GRIN2A: variants seen among roughly 807,000 people sequenced by gnomAD.
GRIN2A encodes glutamate receptor ionotropic, NMDA 2A.
A neutral mutation model predicts 113.4 loss-of-function variants in GRIN2A; 22 were observed. The ratio of observed to expected loss-of-function variants is 0.19; its 90% CI spans 0.14 to 0.28. The LOEUF (loss-of-function observed/expected upper bound fraction) is 0.28, where lower values mean the gene tolerates loss of function less well. Ranked by LOEUF, GRIN2A falls within the 10% of genes least tolerant of loss-of-function variation. The pLI is 1.00. For missense variants in GRIN2A, 1,502 were observed against 1,887.0 expected (o/e 0.80, Z 3.78); for synonymous variants, 827 against 738.4 (o/e 1.12, Z -1.94).
chr16:10,167,510 C>T (rs2049949056), intron 2 of GRIN2A, among the ~76,000 whole-genome samples: 1 of 152,070 alleles, frequency 6.6e-6, no homozygotes, highest in African/African-American at 2.4e-5. Context: ...AGAGAAGATC[C>T]TTTCCATATG....
At chr16:9,939,401 T>C (rs1053190838) in intron 2 of GRIN2A, among the ~76,000 whole-genome samples, 1 of 152,138 alleles carries the variant, frequency 6.6e-6, no homozygotes, top group African/African-American at 2.4e-5. Flanking sequence ...TCCAAGCACA[T>C]AGGGCCTATT....
chr16:10,020,000 TG>T (rs890186427), intron 2 of GRIN2A, among the ~76,000 whole-genome samples: 3 of 152,194 alleles, frequency 2.0e-5, no homozygotes, highest in African/African-American at 7.2e-5. Flanking sequence ...TCGATGGTGG[TG>T]ATCATTTCAC....
At chr16:9,810,916 G>A (rs1166465469) in intron 10 of GRIN2A, among the ~76,000 whole-genome samples, 1 of 152,170 alleles carries the variant, frequency 6.6e-6, no homozygotes, top group African/African-American at 2.4e-5. Context: ...AGCTGTCTGG[G>A]GTTGGCCCCG....
chr16:9,926,725 C>A (rs1001870836), intron 3 of GRIN2A, among the ~76,000 whole-genome samples: 1 of 152,040 alleles, frequency 6.6e-6, no homozygotes, highest in African/African-American at 2.4e-5. Context: ...AATAAACCAA[C>A]CCAGGTGGGG....
intron 2 of GRIN2A, among the ~76,000 whole-genome samples, chr16:10,030,005 T>A (rs998079872): frequency 1.3e-4 from 19 of 151,630 alleles, no homozygotes; most frequent in Non-Finnish European, 5.9e-5. Flanking sequence ...TCCAAAAAAA[T>A]AAATAAATAA....
At chr16:9,978,490 C>T (rs923750034) in intron 2 of GRIN2A, among the ~76,000 whole-genome samples, 7 of 152,080 alleles carry the variant, frequency 4.6e-5, no homozygotes, top group African/African-American at 1.7e-4. Context: ...CCTCTTCCTC[C>T]TCTCATTCCT....
Position 9,755,899 on chromosome 16 carries a change from T to C in GRIN2A, c.*7250A>G, listed in dbSNP as rs1196481764. ...ACCAAGAAGGAAAACAACAACAACA[T>C]TTTAATAGCTGGTCCTCAATCATTC... On this transcript the variant is annotated 3_prime_UTR_variant, in exon 13 of 13. Coordinates refer to ENST00000330684, the MANE Select transcript of GRIN2A (RefSeq NM_001134407.3). The C allele has an allele frequency of 4.8e-6, 1 of 209,884 alleles. No individual in the cohort carries two copies. Among genetic ancestry groups the C allele is most frequent in the Non-Finnish European group, 9.7e-6 (1 of 103,210 alleles). The allele number at this position is 209,884 out of a possible 1,614,324, so 13.0% of individuals were successfully genotyped here. A position where few individuals can be genotyped will look rare whatever the true frequency, so the allele number is the denominator to read the frequency against.
At chr16:10,141,696 G>A (rs1345571448) in intron 2 of GRIN2A, among the ~76,000 whole-genome samples, 2 of 152,142 alleles carry the variant, frequency 1.3e-5, no homozygotes, top group Admixed American at 6.5e-5. Flanking sequence ...ATATATTTCT[G>A]TTGTAAAAAT....
chr16:10,066,520 A>T (rs2047652046), intron 2 of GRIN2A, among the ~76,000 whole-genome samples: 1 of 152,206 alleles, frequency 6.6e-6, no homozygotes, highest in African/African-American at 2.4e-5. Context: ...AACAGGGACA[A>T]AACTATGGGC....
intron 2 of GRIN2A, chr16:10,037,118 G>A (rs60429225): frequency 6.6e-6 from 1 of 152,124 alleles, no homozygotes; most frequent in Non-Finnish European, 1.5e-5. Flanking sequence ...ACTGGAATTT[G>A]GGCTACCAGA....
chr16:10,109,780 G>A (rs2048576249), intron 2 of GRIN2A, among the ~76,000 whole-genome samples: 1 of 152,010 alleles, frequency 6.6e-6, no homozygotes, highest in African/African-American at 2.4e-5. Flanking sequence ...TGCTCAAGGG[G>A]ATGGAGACCT....
chr16:9,826,258 C>T (rs544236401), intron 9 of GRIN2A, among the ~76,000 whole-genome samples: 34 of 152,320 alleles, frequency 2.2e-4, no homozygotes, highest in African/African-American at 7.5e-4. Context: ...TGATATTGCT[C>T]TTCCCACAAC....
rs571500580 is a variant in GRIN2A, at chr16:10,010,515, A to G, written c.415-71964T>C. On this transcript the variant is annotated intron_variant, in intron 2 of 12. Coordinates refer to ENST00000330684, the MANE Select transcript of GRIN2A (RefSeq NM_001134407.3). ...ATTTGGAACCTGGAGAGCATTAGCA[A>G]TAGTACCTACCTGTAAAAATGTTGT... 1.8e-4 allele frequency among the ~76,000 whole-genome samples: 27 copies of G among 152,352 alleles called. 1 individual carries two copies. Among genetic ancestry groups the G allele is most frequent in the African/African-American group, 6.5e-4 (27 of 41,562 alleles).
chr16:10,031,163 C>A (rs1189070757), intron 2 of GRIN2A, among the ~76,000 whole-genome samples: 1 of 152,192 alleles, frequency 6.6e-6, no homozygotes, highest in Non-Finnish European at 1.5e-5. Context: ...AAATAAAATA[C>A]GTAAATCCTC....
chr16:10,144,317 T>G (rs1596549959), intron 2 of GRIN2A, among the ~76,000 whole-genome samples: 1 of 152,352 alleles, frequency 6.6e-6, no homozygotes, highest in South Asian at 2.1e-4. Context: ...CAACACTTGT[T>G]ATCTTTGGTC....
At chr16:10,154,813 G>C (rs961135653) in intron 2 of GRIN2A, among the ~76,000 whole-genome samples, 1 of 152,172 alleles carries the variant, frequency 6.6e-6, no homozygotes, top group African/African-American at 2.4e-5. Context: ...ACAAGTGCCA[G>C]AAAATGTGAA....
At chr16:9,772,279 C>T (rs1020572510) in intron 11 of GRIN2A, among the ~76,000 whole-genome samples, 2 of 152,212 alleles carry the variant, frequency 1.3e-5, no homozygotes, top group Admixed American at 6.5e-5. Flanking sequence ...GTACCTCAGA[C>T]CTGCACGGCT....
chr16:9,925,277 A>T (rs2044439024), intron 3 of GRIN2A, among the ~76,000 whole-genome samples: 1 of 152,032 alleles, frequency 6.6e-6, no homozygotes. Flanking sequence ...TGTGTACTCA[A>T]CTCAGTGCCC....
At chr16:10,085,450 A>G (rs546982507) in intron 2 of GRIN2A, among the ~76,000 whole-genome samples, 5 of 152,338 alleles carry the variant, frequency 3.3e-5, no homozygotes, top group Admixed American at 6.5e-5. Context: ...ACATTTAAGT[A>G]TACTATAATT....
Sources: allele counts gnomAD v4.1 joint callset (sites outside exome capture counted in the v4.1 genomes callset), GRCh38; gene constraint gnomAD v4.1.1; transcripts MANE v1.5; gene names NCBI Gene and HGNC (gene_info 2026-07-23, HGNC 2026-07-21).